Variants in POLR2M observed in about 807,000 individuals in gnomAD.
POLR2M encodes protein GRINL1A.
A neutral mutation model predicts 34.6 loss-of-function variants in POLR2M; 30 were observed. The ratio of observed to expected loss-of-function variants is 0.87; its 90% CI spans 0.65 to 1.18. The LOEUF (loss-of-function observed/expected upper bound fraction) is 1.18. POLR2M is among the 50% of genes most tolerant of loss of function. The probability of loss-of-function intolerance (pLI) is 0.00; values close to 1 mark genes in which losing one functional copy is unlikely to be tolerated. For missense variants in POLR2M, 432 were observed against 448.7 expected, an observed-to-expected ratio of 0.96 and a Z score of 0.34; for synonymous variants, 150 against 166.7, an observed-to-expected ratio of 0.90 and a Z score of 0.77.
At position 57,706,797 on chromosome 15, in the gene POLR2M, G is replaced by T. The variant is rs1211105831; in HGVS notation, c.-46G>T. On this transcript the variant is annotated 5_prime_UTR_variant, in exon 1 of 4. The change creates a premature stop within an existing upstream ORF in the 5' untranslated region. Transcript: ENST00000299638. ...TCCGGCGCTAGTAGCGGGGCCTGCC[G>T]AGGAAGCCGAGTGCCCGCCGCCGCG... is the stretch of plus-strand genomic sequence containing the variant. 1 of 1,539,042 alleles carries T rather than the reference G, an allele frequency of 6.5e-7. No homozygotes were observed. Among genetic ancestry groups the T allele is most frequent in the East Asian group, 2.5e-5 (1 of 40,464 alleles).
chr15:57,709,146 A>G lies in POLR2M; in HGVS notation c.546A>G (p.Glu182=), dbSNP rs562362687. 3.7e-6 allele frequency: 6 copies of G among 1,614,248 alleles called. No individual in the cohort carries two copies. The South Asian group carries it at 5.5e-5, about 15-fold the overall frequency. The part of the protein sequence containing the change: ...HPRHRVSSQA[E]DTSSSFDNLF... ...GGCATCGTGTTTCAAGTCAAGCGGAAGATACTTCCAGCAGCTTTGACAACC... is the reference window on the plus strand; with the variant it reads ...GGCATCGTGTTTCAAGTCAAGCGGAGGATACTTCCAGCAGCTTTGACAACC... Residue 182 remains glutamate (E), a synonymous_variant, in exon 2 of 4, where the codon GAA becomes GAG. Coordinates refer to ENST00000299638, the MANE Select transcript of POLR2M (RefSeq NM_015532.5).
Position 57,706,871 on chromosome 15 carries a change from C to G in POLR2M, c.29C>G (p.Pro10Arg). ...TGCTCGCTGCCCCGCGGCTTCGAGCCCCAAGCTCCCGAGGACTTGGCGCAG... is the reference window on the plus strand; with the variant it reads ...TGCTCGCTGCCCCGCGGCTTCGAGCGCCAAGCTCCCGAGGACTTGGCGCAG... Reference protein sequence around the residue: MCSLPRGFEPQAPEDLAQRS... With the variant: MCSLPRGFERQAPEDLAQRS... Residue 10 changes from proline (P) to arginine (R), a missense_variant, in exon 1 of 4, where the codon CCC (proline) becomes CGC (arginine). Pro to Arg is a moderately radical substitution (Grantham distance 103, BLOSUM62 -2). Coordinates refer to ENST00000299638, the MANE Select transcript of POLR2M (RefSeq NM_015532.5). The G allele has an allele frequency of 2.5e-6, 4 of 1,587,018 alleles. No individual in the cohort carries two copies. Among genetic ancestry groups the G allele is most frequent in the Non-Finnish European group, 3.4e-6 (4 of 1,166,240 alleles).
At chr15:57,711,918 G>T (rs2040735354) in intron 2 of POLR2M, 66 bp from the exon 3 acceptor site, 2 of 1,572,336 alleles carry the variant, frequency 1.3e-6, no homozygotes, top group South Asian at 2.3e-5. Flanking sequence ...CCATTTGTGT[G>T]AATGTTTTAA....
chr15:57,706,986 G>T (rs1322767650), intron 1 of POLR2M, 31 bp downstream of exon 1: 1 of 1,559,600 alleles, frequency 6.4e-7, no homozygotes, highest in Admixed American at 1.9e-5. Flanking sequence ...GTCTCCGCCA[G>T]GCTCCTTCAG....
chr15:57,711,871 G>A, intron 2 of POLR2M, 113 bp from the exon 3 acceptor site: 7 of 1,260,466 alleles, frequency 5.6e-6, no homozygotes, highest in Non-Finnish European at 7.7e-6. Context: ...ATTACTTACT[G>A]TTACCTTTGG....
rs1442328833 is a variant in POLR2M, at chr15:57,716,439, T to C, written c.*1760T>C. On this transcript the variant is annotated 3_prime_UTR_variant, in exon 4 of 4. Transcript: ENST00000299638. ...TAAAAATGAAATTGTTAGGTGAAAG[T>C]GTTTTTGAGAATTTTTATATATATT... 32 of 152,268 alleles carry C rather than the reference T, an allele frequency of 2.1e-4. No homozygotes were observed. Among genetic ancestry groups the C allele is most frequent in the Non-Finnish European group, 4.4e-4 (30 of 68,034 alleles). 9.4% of individuals were successfully genotyped at this position (152,268 alleles called of 1,614,324 possible).
intron 3 of POLR2M, among the ~76,000 whole-genome samples, chr15:57,712,523 G>A (rs1281945303): frequency 6.6e-6 from 1 of 152,134 alleles, no homozygotes; most frequent in Non-Finnish European, 1.5e-5. Flanking sequence ...TAAAACTCAT[G>A]TGACAGCTTC....
At chr15:57,712,416 A>G (rs568758602) in intron 3 of POLR2M, among the ~76,000 whole-genome samples, 2 of 152,182 alleles carry the variant, frequency 1.3e-5, no homozygotes, top group South Asian at 4.2e-4. Context: ...TTGCCTGGAG[A>G]TGTGGGGAGA....
At chr15:57,712,894 C>T (rs2040790414) in intron 3 of POLR2M, among the ~76,000 whole-genome samples, 1 of 152,128 alleles carries the variant, frequency 6.6e-6, no homozygotes, top group South Asian at 2.1e-4. Context: ...TAATTTTAGC[C>T]TCCAGGAGAA....
At chr15:57,712,999 G>A (rs1269962213) in intron 3 of POLR2M, among the ~76,000 whole-genome samples, 2 of 152,020 alleles carry the variant, frequency 1.3e-5, no homozygotes, top group Non-Finnish European at 2.9e-5. Context: ...TCAGGAGTTC[G>A]AGACCAGCGT....
Position 57,714,528 on chromosome 15 carries a change from T to A in POLR2M, c.964-8T>A, listed in dbSNP as rs1353040118. On this transcript the variant is annotated splice_polypyrimidine_tract_variant and splice_region_variant and intron_variant, in intron 3 of 3. Transcript: ENST00000299638. ...GTGTAACTTTGTGCTTTGCTCTTTG[T>A]TTTAAAGGAGATGCAAGCAAAGCTC... is the stretch of plus-strand genomic sequence containing the variant. The A allele has an allele frequency of 6.2e-7, 1 of 1,612,960 alleles. No homozygotes were observed. The highest frequency in any genetic ancestry group is 8.5e-7 in the Non-Finnish European group (1 of 1,179,668).
chr15:57,711,827 C>T (rs2040730538), intron 2 of POLR2M, among the ~76,000 whole-genome samples, 157 bp from the exon 3 acceptor site: 1 of 151,366 alleles, frequency 6.6e-6, no homozygotes. Context: ...CACACAAACA[C>T]ACCCCTATTT....
At position 57,709,138 on chromosome 15, in the gene POLR2M, C is replaced by A; in HGVS notation, c.538C>A (p.Gln180Lys). Residue 180 changes from glutamine (Q) to lysine (K), a missense_variant, in exon 2 of 4, where the codon CAA becomes AAA. Coordinates refer to ENST00000299638, the MANE Select transcript of POLR2M (RefSeq NM_015532.5). ...EHHPRHRVSS[Q>K]AEDTSSSFDN... ...TCACCCGCGGCATCGTGTTTCAAGT[C>A]AAGCGGAAGATACTTCCAGCAGCTT... 1.2e-6 allele frequency: 2 copies of A among 1,614,198 alleles called. No homozygotes were observed. The highest frequency in any genetic ancestry group is 1.7e-6 in the Non-Finnish European group (2 of 1,180,046).
At position 57,715,029 on chromosome 15, in the gene POLR2M, A is replaced by G. The variant is rs577655207; in HGVS notation, c.*350A>G. The G allele has an allele frequency of 1.1e-4, 22 of 199,654 alleles. No homozygotes were observed. In the South Asian group the frequency reaches 2.1e-3, roughly 19 times the overall value. 12.4% of individuals were successfully genotyped at this position (199,654 alleles called of 1,614,324 possible). ...TCTTACCTATCAAATAGCATTTATT[A>G]CATGTCTTTCAGTGAAATACTTAGT... is the stretch of plus-strand genomic sequence containing the variant. On this transcript the variant is annotated 3_prime_UTR_variant, in exon 4 of 4. Transcript: ENST00000299638.
intron 1 of POLR2M, among the ~76,000 whole-genome samples, chr15:57,708,046 T>C (rs2040562652): frequency 6.6e-6 from 1 of 152,268 alleles, no homozygotes; most frequent in African/African-American, 2.4e-5. Context: ...ACATGTGTTT[T>C]GACCTTGTGA....
At chr15:57,713,823 T>C (rs59294338) in intron 3 of POLR2M, among the ~76,000 whole-genome samples, 1,368 of 8,436 alleles carry the variant, frequency 0.16, 8 homozygotes, top group African/African-American at 0.26. Flanking sequence ...AGTCCTTCTT[T>C]TTTTTTTTTT....
intron 3 of POLR2M, 97 bp downstream of exon 3, chr15:57,712,285 G>A: frequency 1.4e-6 from 2 of 1,395,914 alleles, no homozygotes; most frequent in South Asian, 2.8e-5. Flanking sequence ...GGAATAGAGG[G>A]GATTAGGTGC....
intron 1 of POLR2M, among the ~76,000 whole-genome samples, chr15:57,708,191 C>T (rs770256084): frequency 2.6e-5 from 4 of 152,172 alleles, no homozygotes; most frequent in Non-Finnish European, 4.4e-5. Flanking sequence ...ATCAGAAATA[C>T]GTCTGAAGTC....
intron 1 of POLR2M, among the ~76,000 whole-genome samples, chr15:57,708,350 C>A (rs2040575205): frequency 2.0e-5 from 3 of 152,172 alleles, no homozygotes; most frequent in Admixed American, 2.0e-4. Flanking sequence ...GTAGTTTTGA[C>A]CTAATAGGCC....
Sources: gnomAD v4.1 joint callset for allele counts (sites outside exome capture counted in the v4.1 genomes callset) on GRCh38, gnomAD v4.1.1 for gene constraint, MANE v1.5 for transcripts, NCBI Gene and HGNC (gene_info 2026-07-23, HGNC 2026-07-21) for gene names.